NMRAL1: variants seen among roughly 807,000 people sequenced by gnomAD.
NMRAL1 encodes NmrA like redox sensor 1.
Under a neutral mutation model 27.5 loss-of-function variants are expected in NMRAL1, and 32 were observed. The observed-to-expected ratio is 1.16, with a 90% CI of 0.88 to 1.56. The LOEUF is 1.56. Ranked by LOEUF, NMRAL1 falls within the 40% of genes most tolerant of loss-of-function variation. The pLI, the probability that NMRAL1 is intolerant of heterozygous loss-of-function variation, is 0.00. For missense variants in NMRAL1, 420 were observed against 392.0 expected, an observed-to-expected ratio of 1.07 and a Z score of -0.60; for synonymous variants, 166 against 166.8, an observed-to-expected ratio of 1.00 and a Z score of 0.04.
intron 4 of NMRAL1, among the ~76,000 whole-genome samples, chr16:4,464,525 G>A (rs961572580): frequency 2.0e-5 from 3 of 151,106 alleles, no homozygotes; most frequent in African/African-American, 4.9e-5. Flanking sequence ...TAGAGACAGG[G>A]GCCAGTGCAG....
intron 1 of NMRAL1, 187 bp from the exon 2 acceptor site, chr16:4,474,353 C>T: frequency 4.0e-6 from 2 of 502,108 alleles, no homozygotes; most frequent in East Asian, 3.4e-5. Flanking sequence ...GGCCCGATCC[C>T]CTCCTCCTTC....
Position 4,463,870 on chromosome 16 carries a change from G to C in NMRAL1, c.530-20C>G, listed in dbSNP as rs200105858. The C allele has an allele frequency of 2.9e-4, 458 of 1,606,606 alleles. 1 individual carries two copies. The African/African-American group carries it at 5.2e-3, about 18-fold the overall frequency. On this transcript the variant is annotated intron_variant, in intron 4 of 5. Transcript: ENST00000283429. Reference sequence around the variant, plus strand: ...GCAAGCCTGTGGGGCAGAGACGTGAGCTGGTATATGTCCCGAGGGCAGACA... The same window carrying C: ...GCAAGCCTGTGGGGCAGAGACGTGACCTGGTATATGTCCCGAGGGCAGACA...
chr16:4,462,241 G>A (rs2057138947), intron 5 of NMRAL1, among the ~76,000 whole-genome samples: 1 of 152,228 alleles, frequency 6.6e-6, no homozygotes. Context: ...CACTTTGGGA[G>A]GCTGAGGCAG....
intron 5 of NMRAL1, 96 bp downstream of exon 5, chr16:4,463,564 C>T (rs2057193323): frequency 2.1e-6 from 2 of 963,854 alleles, no homozygotes; most frequent in Non-Finnish European, 3.1e-6. Context: ...TTTAGATGTA[C>T]TGCCCAGAGG....
chr16:4,464,130 G>A lies in NMRAL1; in HGVS notation c.530-280C>T, dbSNP rs974382097. 3 of 508,424 alleles carry A rather than the reference G, an allele frequency of 5.9e-6. No homozygotes were observed. In the South Asian group the frequency reaches 8.7e-5, roughly 15 times the overall value. The allele number at this position is 508,424 out of a possible 1,614,324, so 31.5% of individuals were successfully genotyped here. On this transcript the variant is annotated intron_variant, in intron 4 of 5. Coordinates refer to ENST00000283429, the MANE Select transcript of NMRAL1 (RefSeq NM_020677.6). Reference sequence around the variant, plus strand: ...ATTCCTAGAATGGGGCTAAGAACCTGGGCCTGCCCAGCTCTCTCAGCGCTA... The same window carrying A: ...ATTCCTAGAATGGGGCTAAGAACCTAGGCCTGCCCAGCTCTCTCAGCGCTA...
chr16:4,465,588 C>T (rs895299675), intron 4 of NMRAL1, among the ~76,000 whole-genome samples: 9 of 152,032 alleles, frequency 5.9e-5, no homozygotes, highest in African/African-American at 1.7e-4. Context: ...TGTTTTGAGA[C>T]GGAGTGTTGC....
At chr16:4,463,335 C>G in intron 5 of NMRAL1, 1 of 410,434 alleles carries the variant, frequency 2.4e-6, no homozygotes, top group Non-Finnish European at 4.3e-6. Flanking sequence ...GGGGAGGGGT[C>G]GGGTCTATCT....
intron 2 of NMRAL1, 109 bp downstream of exon 2, chr16:4,473,983 TG>T: frequency 2.6e-6 from 2 of 772,196 alleles, no homozygotes; most frequent in African/African-American, 1.8e-5. Context: ...AGCCCCAACC[TG>T]GGTCGGGGGT....
intron 2 of NMRAL1, 35 bp from the exon 3 acceptor site, chr16:4,469,500 C>A: frequency 6.2e-7 from 1 of 1,606,082 alleles, no homozygotes; most frequent in Non-Finnish European, 8.5e-7. Context: ...CAGGTCAGAC[C>A]TACCTGAAAG....
intron 1 of NMRAL1, 158 bp downstream of exon 1, chr16:4,474,396 G>A: frequency 2.1e-6 from 1 of 481,090 alleles, no homozygotes; most frequent in South Asian, 2.5e-5. Context: ...CCCGCCCCCC[G>A]GCCCGGGTCC....
At chr16:4,464,039 C>T (rs1013701438) in intron 4 of NMRAL1, 189 bp from the exon 5 acceptor site, 12 of 553,632 alleles carry the variant, frequency 2.2e-5, no homozygotes, top group Admixed American at 1.9e-4. Context: ...AGTCAGGAAA[C>T]GGGATGGAAT....
intron 2 of NMRAL1, among the ~76,000 whole-genome samples, chr16:4,470,738 G>C (rs977720340): frequency 1.3e-5 from 2 of 151,944 alleles, no homozygotes; most frequent in African/African-American, 2.4e-5. Context: ...ATGAGGTCAG[G>C]AGATCGAGAC....
rs2058812 is a variant in NMRAL1 at position 4,474,442 on chromosome 16, C to G, written c.-35+112G>C. 0.61 allele frequency: 227,641 copies of G among 376,064 alleles called. 73,537 individuals are homozygous for G. The highest frequency in any genetic ancestry group is 0.69 in the Non-Finnish European group (139,159 of 202,696). 23.3% of individuals were successfully genotyped at this position (376,064 alleles called of 1,614,324 possible). On this transcript the variant is annotated intron_variant, in intron 1 of 5. Coordinates refer to ENST00000283429, the MANE Select transcript of NMRAL1 (RefSeq NM_020677.6). Reference sequence around the variant, plus strand: ...AGTGACCTCCTCGCCGCGGCCTGGGCGGGACAAGTTCCAGGAGCCCGGGAC... The same window carrying G: ...AGTGACCTCCTCGCCGCGGCCTGGGGGGGACAAGTTCCAGGAGCCCGGGAC...
At chr16:4,467,426 G>A (rs764868000) in intron 3 of NMRAL1, among the ~76,000 whole-genome samples, 2 of 151,640 alleles carry the variant, frequency 1.3e-5, no homozygotes, top group Non-Finnish European at 2.9e-5. Context: ...TAGAGACAGG[G>A]TTTTGCTGTG....
intron 5 of NMRAL1, 155 bp downstream of exon 5, chr16:4,463,505 G>T: frequency 3.1e-6 from 2 of 636,184 alleles, no homozygotes; most frequent in Non-Finnish European, 5.2e-6. Flanking sequence ...TCTGTGGCCA[G>T]TTAGCTCCTG....
rs778877498 is a variant in NMRAL1 at position 4,461,766 on chromosome 16, G to A, written c.*14C>T. On this transcript the variant is annotated 3_prime_UTR_variant, in exon 6 of 6. Transcript: ENST00000283429. ...GTGCCCCCGATCCCCACAAGGGGCC[G>A]CGAGGCGGGCAGGTCACAGCAGGTT... is the stretch of plus-strand genomic sequence containing the variant. 29 of 1,599,766 alleles carry A rather than the reference G, an allele frequency of 1.8e-5. No individual in the cohort carries two copies. The highest frequency in any genetic ancestry group is 1.1e-4 in the East Asian group (5 of 44,396).
chr16:4,462,718 G>A lies in NMRAL1; in HGVS notation c.721-759C>T, dbSNP rs2057153839. ...TTTTTGTATTTTTAGTAGAGACGGG[G>A]TTTCACCGTGTTAGTCAGGATGGTC... is the stretch of plus-strand genomic sequence containing the variant. On this transcript the variant is annotated intron_variant, in intron 5 of 5. Transcript: ENST00000283429. Among the ~76,000 whole-genome samples, 6 of 152,104 alleles carry A rather than the reference G, an allele frequency of 3.9e-5. No individual in the cohort carries two copies. In the South Asian group the frequency reaches 1.2e-3, roughly 32 times the overall value.
chr16:4,462,889 G>A (rs2057162366), intron 5 of NMRAL1, among the ~76,000 whole-genome samples: 2 of 150,464 alleles, frequency 1.3e-5, no homozygotes, highest in Admixed American at 1.3e-4. Flanking sequence ...TTGGAGTCTC[G>A]CTCTGTCGCC....
At chr16:4,475,366 G>A (rs1224772750), upstream of NMRAL1, among the ~76,000 whole-genome samples, 2 of 141,718 alleles carry the variant, frequency 1.4e-5, no homozygotes, top group Non-Finnish European at 2.9e-5. Flanking sequence ...GTGCAGTGGT[G>A]GTGCGATCTT....
Sources: allele counts gnomAD v4.1 joint callset (sites outside exome capture counted in the v4.1 genomes callset), GRCh38; gene constraint gnomAD v4.1.1; transcripts MANE v1.5; gene names NCBI Gene and HGNC (gene_info 2026-07-23, HGNC 2026-07-21).